Variants in COL5A2 observed in about 807,000 individuals in gnomAD.
COL5A2 encodes the protein collagen type V alpha 2 chain, also known as collagen alpha-2(V) chain.
Under a neutral mutation model 208.2 loss-of-function variants are expected in COL5A2, and 23 were observed. The observed-to-expected ratio is 0.11, with a 90% CI of 0.08 to 0.16. The LOEUF (loss-of-function observed/expected upper bound fraction) is 0.16, where lower values mean the gene tolerates loss of function less well. COL5A2 is among the 10% of genes least tolerant of loss of function. The probability of loss-of-function intolerance (pLI) is 1.00; values close to 1 mark genes in which losing one functional copy is unlikely to be tolerated. For synonymous variants in COL5A2, 625 were observed against 628.5 expected (o/e 0.99, Z 0.08); for missense variants, 1,590 against 1,956.4 (o/e 0.81, Z 3.53).
At chr2:189,336,786 G>T in the COL5A2 span, among the ~76,000 whole-genome samples, 1 of 152,102 alleles carries the variant, frequency 6.6e-6, no homozygotes, top group South Asian at 2.1e-4. Flanking sequence ...GACTGTACAG[G>T]TTTGCACAAT....
the COL5A2 span, among the ~76,000 whole-genome samples, chr2:189,337,394 G>A: frequency 1.3e-5 from 2 of 151,740 alleles, no homozygotes; most frequent in Non-Finnish European, 2.9e-5. Flanking sequence ...GTTTTAGCCC[G>A]GATGGTCTCG....
chr2:189,161,885 G>A (rs1688371560), intron 1 of COL5A2, among the ~76,000 whole-genome samples: 2 of 152,208 alleles, frequency 1.3e-5, no homozygotes, highest in Admixed American at 1.3e-4. Context: ...CTACCTTTTA[G>A]AGAAAAGAGA....
the COL5A2 span, among the ~76,000 whole-genome samples, chr2:189,387,227 T>C: frequency 5.6e-3 from 858 of 152,134 alleles, 15 homozygotes; most frequent in African/African-American, 0.02. Context: ...GAAAACCAAA[T>C]ACCAAATGTT....
intron 51 of COL5A2, 84 bp from the exon 52 acceptor site, chr2:189,036,887 G>A: frequency 9.4e-7 from 1 of 1,066,592 alleles, no homozygotes; most frequent in Non-Finnish European, 1.4e-6. Context: ...CAGAGGGTTT[G>A]AAAATATACA....
chr2:189,241,479 C>T, the COL5A2 span, among the ~76,000 whole-genome samples: 3 of 152,138 alleles, frequency 2.0e-5, no homozygotes, highest in Admixed American at 6.5e-5. Context: ...CACGATTATC[C>T]TATTGTTCAA....
chr2:189,088,632 T>C, intron 8 of COL5A2, 63 bp downstream of exon 8: 1 of 1,233,926 alleles, frequency 8.1e-7, no homozygotes, highest in Non-Finnish European at 1.2e-6. Context: ...TAACTCAAGA[T>C]TCTCTTTTTA....
chr2:189,085,163 T>C lies in COL5A2; in HGVS notation c.795A>G (p.Glu265=). 6.2e-7 allele frequency: 1 copy of C among 1,611,864 alleles called. No individual in the cohort carries two copies. The highest frequency in any genetic ancestry group is 2.2e-5 in the East Asian group (1 of 44,806). The change falls in exon 11 of 54, where the codon GAA becomes GAG. Residue 265 remains glutamate (E), a synonymous_variant. Transcript: ENST00000374866. ...GPEGPPGKPG[E]DGEPGRNGNP... ...AAAATGAGGAAAGGTAGCTTACATC[T>C]TCCCCAGGTTTACCAGGAGGGCCCT...
intron 1 of COL5A2, among the ~76,000 whole-genome samples, chr2:189,143,534 G>C (rs1687976021): frequency 6.6e-6 from 1 of 152,084 alleles, no homozygotes; most frequent in Non-Finnish European, 1.5e-5. Context: ...ATTAGAATGA[G>C]GCTTCTTTGA....
chr2:189,314,417 A>T, the COL5A2 span, among the ~76,000 whole-genome samples: 2 of 152,208 alleles, frequency 1.3e-5, no homozygotes, highest in African/African-American at 2.4e-5. Context: ...AACACACCAG[A>T]GTCTCTGGGA....
chr2:189,050,527 T>G (rs537341525), intron 43 of COL5A2, 42 bp downstream of exon 43: 1 of 1,405,912 alleles, frequency 7.1e-7, no homozygotes, highest in South Asian at 1.2e-5. Flanking sequence ...ACAATTTGTA[T>G]TGCACATATG....
At chr2:189,141,975 C>A (rs1236120596) in intron 1 of COL5A2, among the ~76,000 whole-genome samples, 2 of 152,038 alleles carry the variant, frequency 1.3e-5, no homozygotes, top group African/African-American at 2.4e-5. Context: ...ATGTCAAATT[C>A]TTTTCTGGAA....
the COL5A2 span, among the ~76,000 whole-genome samples, chr2:189,240,061 C>A: frequency 6.6e-6 from 1 of 152,010 alleles, no homozygotes; most frequent in Admixed American, 6.6e-5. Context: ...CAACAAAAAC[C>A]AAAAACCAAA....
At chr2:189,036,082 A>G (rs962960414) in intron 52 of COL5A2, among the ~76,000 whole-genome samples, 1 of 152,162 alleles carries the variant, frequency 6.6e-6, no homozygotes, top group African/African-American at 2.4e-5. Flanking sequence ...ATATTAATTT[A>G]CCATCTATCC....
the COL5A2 span, among the ~76,000 whole-genome samples, chr2:189,312,519 C>T: frequency 1.3e-5 from 2 of 152,252 alleles, no homozygotes; most frequent in East Asian, 1.9e-4. Flanking sequence ...GAAGGTGGAG[C>T]GAGTGGTGAA....
the COL5A2 span, among the ~76,000 whole-genome samples, chr2:189,373,387 A>C: frequency 6.6e-6 from 1 of 152,174 alleles, no homozygotes; most frequent in Non-Finnish European, 1.5e-5. Context: ...AAATTAGCTC[A>C]GTGTTTAAAT....
chr2:189,401,917 T>C, the COL5A2 span, among the ~76,000 whole-genome samples: 1 of 152,154 alleles, frequency 6.6e-6, no homozygotes, highest in Non-Finnish European at 1.5e-5. Context: ...AATGGGGCTG[T>C]TTTTTTCTTG....
the COL5A2 span, among the ~76,000 whole-genome samples, chr2:189,433,646 T>C: frequency 6.6e-6 from 1 of 152,082 alleles, no homozygotes; most frequent in Non-Finnish European, 1.5e-5. Flanking sequence ...AAGTTGAATC[T>C]CTGAATAGAC....
In COL5A2 at chr2:189,053,884, C is replaced by T. The variant is rs756120963; in HGVS notation, c.2499+11G>A. The T allele has an allele frequency of 5.6e-6, 9 of 1,611,550 alleles. No homozygotes were observed. Among genetic ancestry groups the T allele is most frequent in the Admixed American group, 3.3e-5 (2 of 59,968 alleles). On this transcript the variant is annotated intron_variant, in intron 37 of 53. Transcript: ENST00000374866. ...TCTCACACTAAAGAACACCAAAATA[C>T]TGTCACTTACAGGATTGCCCCGGGA...
At chr2:189,313,798 T>C in the COL5A2 span, among the ~76,000 whole-genome samples, 2 of 152,170 alleles carry the variant, frequency 1.3e-5, no homozygotes, top group Admixed American at 6.5e-5. Context: ...GCAATTCTCC[T>C]TTCTGACAAA....
Sources: gnomAD v4.1 joint callset for allele counts (sites outside exome capture counted in the v4.1 genomes callset) on GRCh38, gnomAD v4.1.1 for gene constraint, MANE v1.5 for transcripts, NCBI Gene and HGNC (gene_info 2026-07-23, HGNC 2026-07-21) for gene names.